STARD13: variants seen among roughly 807,000 people sequenced by gnomAD.
STARD13 encodes the protein stAR-related lipid transfer protein 13.
Under a neutral mutation model 106.4 loss-of-function variants are expected in STARD13, and 62 were observed. The observed-to-expected ratio is 0.58, with a 90% confidence interval of 0.48 to 0.72. The LOEUF (loss-of-function observed/expected upper bound fraction) is 0.72, where lower values mean the gene tolerates loss of function less well. STARD13 is among the 30% of genes least tolerant of loss of function. The pLI, the probability that STARD13 is intolerant of heterozygous loss-of-function variation, is 0.00. For synonymous variants in STARD13, 565 were observed against 553.0 expected (o/e 1.02, Z -0.31); for missense variants, 1,387 against 1,424.0 (o/e 0.97, Z 0.42).
intron 1 of STARD13, among the ~76,000 whole-genome samples, chr13:33,192,254 A>T (rs1886305186): frequency 6.6e-6 from 1 of 152,266 alleles, no homozygotes; most frequent in South Asian, 2.1e-4. Flanking sequence ...TATGCTACTT[A>T]GAAGCTAAAA....
chr13:33,583,625 G>C, the STARD13 span, among the ~76,000 whole-genome samples: 1 of 152,128 alleles, frequency 6.6e-6, no homozygotes, highest in South Asian at 2.1e-4. Context: ...TTCCATTCTT[G>C]ATATTTAGGG....
At chr13:33,340,317 C>T (rs1255296957) in intron 1 of STARD13, among the ~76,000 whole-genome samples, 1 of 152,178 alleles carries the variant, frequency 6.6e-6, no homozygotes, top group Non-Finnish European at 1.5e-5. Context: ...AATCCTCCCA[C>T]CTCAGCCTCC....
At chr13:33,500,861 T>C in the STARD13 span, among the ~76,000 whole-genome samples, 1 of 152,126 alleles carries the variant, frequency 6.6e-6, no homozygotes, top group Admixed American at 6.6e-5. Context: ...GGGACATTGA[T>C]TCTCTTACTG....
chr13:33,245,908 T>C (rs1889803355), intron 1 of STARD13, among the ~76,000 whole-genome samples: 1 of 152,190 alleles, frequency 6.6e-6, no homozygotes, highest in South Asian at 2.1e-4. Flanking sequence ...ACTGGTAAAC[T>C]CAAGAGGCCA....
At chr13:33,458,687 T>C in the STARD13 span, among the ~76,000 whole-genome samples, 3 of 152,106 alleles carry the variant, frequency 2.0e-5, no homozygotes, top group African/African-American at 7.2e-5. Flanking sequence ...ATATATTCTC[T>C]CTCTCTCTTT....
chr13:33,501,203 A>C, the STARD13 span, among the ~76,000 whole-genome samples: 2 of 149,198 alleles, frequency 1.3e-5, no homozygotes, highest in South Asian at 4.2e-4. Context: ...CAACCTCCTG[A>C]GTAGCTGGGA....
chr13:33,415,007 A>G, the STARD13 span, among the ~76,000 whole-genome samples: 1 of 152,156 alleles, frequency 6.6e-6, no homozygotes, highest in African/African-American at 2.4e-5. Context: ...AATTTGTTAC[A>G]TGGCAATAGA....
the STARD13 span, among the ~76,000 whole-genome samples, chr13:33,623,599 T>C: frequency 7.2e-5 from 11 of 152,046 alleles, no homozygotes; most frequent in Admixed American, 1.3e-4. Flanking sequence ...TACAACTACA[T>C]CTACATATTT....
chr13:33,118,295 G>C, intron 7 of STARD13, 32 bp from the exon 8 acceptor site: 1 of 1,591,684 alleles, frequency 6.3e-7, no homozygotes, highest in Non-Finnish European at 8.6e-7. Context: ...GTGTCAGCCA[G>C]GCCACACTTG....
chr13:33,646,863 T>C, the STARD13 span, among the ~76,000 whole-genome samples: 1 of 152,160 alleles, frequency 6.6e-6, no homozygotes, highest in Admixed American at 6.5e-5. Flanking sequence ...TGCTAGATTT[T>C]AAATAAAATA....
chr13:33,559,284 C>T, the STARD13 span, among the ~76,000 whole-genome samples: 1 of 151,444 alleles, frequency 6.6e-6, no homozygotes, highest in African/African-American at 2.4e-5. Flanking sequence ...AAAAGTATCA[C>T]CTATTTTATT....
the STARD13 span, among the ~76,000 whole-genome samples, chr13:33,385,218 AATATATATATATATATATATATATAT>A: frequency 1.2e-3 from 39 of 33,584 alleles, no homozygotes; most frequent in South Asian, 0.011. Flanking sequence ...AAAGGTTCGG[AATATATATATATATATATATATATAT>A]ATATATATAT....
chr13:33,172,045 C>G (rs546757575), intron 1 of STARD13, among the ~76,000 whole-genome samples: 1 of 152,132 alleles, frequency 6.6e-6, no homozygotes, highest in African/African-American at 2.4e-5. Flanking sequence ...TTATACATGC[C>G]CAGTGTTGAA....
chr13:33,536,299 T>C, the STARD13 span, among the ~76,000 whole-genome samples: 1 of 152,364 alleles, frequency 6.6e-6, no homozygotes, highest in East Asian at 1.9e-4. Context: ...TGTAACATCA[T>C]TTGGACTGTT....
chr13:33,249,993 G>A (rs370723219), intron 1 of STARD13, among the ~76,000 whole-genome samples: 5 of 151,994 alleles, frequency 3.3e-5, no homozygotes, highest in Admixed American at 1.3e-4. Flanking sequence ...GTCTCACTAC[G>A]TTGCTCAGGC....
At chr13:33,289,337 G>A (rs892489736), upstream of STARD13, among the ~76,000 whole-genome samples, 21 of 152,296 alleles carry the variant, frequency 1.4e-4, no homozygotes, top group African/African-American at 4.8e-4. Flanking sequence ...GAAGGGAAAG[G>A]AAAGAGGAGA....
the STARD13 span, among the ~76,000 whole-genome samples, chr13:33,545,278 G>T: frequency 6.6e-6 from 1 of 151,676 alleles, no homozygotes; most frequent in South Asian, 2.1e-4. Flanking sequence ...TGTATTTTTA[G>T]TAGAGACGGG....
At chr13:33,484,167 G>A in the STARD13 span, among the ~76,000 whole-genome samples, 1 of 152,154 alleles carries the variant, frequency 6.6e-6, no homozygotes, top group Non-Finnish European at 1.5e-5. Flanking sequence ...ATTCCTGGAT[G>A]TGGGCCAGCC....
chr13:33,114,748 G>T (rs975600183), intron 8 of STARD13, among the ~76,000 whole-genome samples: 2 of 151,818 alleles, frequency 1.3e-5, no homozygotes, highest in East Asian at 3.9e-4. Flanking sequence ...TTGAAGAGTC[G>T]CCTGTCATCT....
Sources: gnomAD v4.1 joint callset for allele counts (sites outside exome capture counted in the v4.1 genomes callset) on GRCh38, gnomAD v4.1.1 for gene constraint, MANE v1.5 for transcripts, NCBI Gene and HGNC (gene_info 2026-07-23, HGNC 2026-07-21) for gene names.